Variants in ZFHX3 observed in about 807,000 individuals in gnomAD.
The protein encoded by ZFHX3 is zinc finger homeobox protein 3.
ZFHX3 carries 42 observed loss-of-function variants against 279.1 expected under a neutral mutation model. The ratio of observed to expected loss-of-function variants is 0.15; its 90% confidence interval spans 0.12 to 0.19. ZFHX3 has a LOEUF of 0.19. Ranked by LOEUF, ZFHX3 falls within the 10% of genes least tolerant of loss-of-function variation. The pLI is 1.00. For synonymous variants in ZFHX3, 2,293 were observed against 1,957.8 expected (o/e 1.17, Z -4.52); for missense variants, 4,981 against 4,754.0 (o/e 1.05, Z -1.40).
chr16:73,370,997 C>A (rs1033557000), intron 3 of ZFHX3, among the ~76,000 whole-genome samples: 4 of 152,074 alleles, frequency 2.6e-5, no homozygotes, highest in African/African-American at 9.7e-5. Flanking sequence ...TGATTGGAAT[C>A]CTTTTGGGAA....
intron 1 of ZFHX3, among the ~76,000 whole-genome samples, chr16:73,844,318 A>G (rs1246381808): frequency 3.9e-5 from 6 of 152,230 alleles, no homozygotes; most frequent in Non-Finnish European, 8.8e-5. Context: ...CTGTTTTGCT[A>G]CTGGTACTTG....
At chr16:73,238,591 C>T (rs2013023485) in intron 5 of ZFHX3, among the ~76,000 whole-genome samples, 1 of 152,196 alleles carries the variant, frequency 6.6e-6, no homozygotes, top group Non-Finnish European at 1.5e-5. Flanking sequence ...GCCTTGCCCA[C>T]AATGCCTTCT....
At chr16:73,188,563 G>A (rs1002328973) in intron 5 of ZFHX3, among the ~76,000 whole-genome samples, 1 of 152,198 alleles carries the variant, frequency 6.6e-6, no homozygotes, top group Non-Finnish European at 1.5e-5. Context: ...GAGAGAAATA[G>A]TTTTTTCAGA....
intron 3 of ZFHX3, among the ~76,000 whole-genome samples, chr16:73,394,122 T>A (rs1165168709): frequency 6.6e-6 from 1 of 151,030 alleles, no homozygotes; most frequent in Non-Finnish European, 1.5e-5. Context: ...TTCCTCTGAT[T>A]TATTAGGATT....
chr16:73,004,965 G>C (rs139170829), intron 1 of ZFHX3, among the ~76,000 whole-genome samples: 144 of 152,208 alleles, frequency 9.5e-4, no homozygotes, highest in African/African-American at 3.1e-3. Context: ...CCGCCATTTG[G>C]CTATCTAACT....
At chr16:72,815,674 A>T (rs552988564) in intron 5 of ZFHX3, among the ~76,000 whole-genome samples, 2 of 152,372 alleles carry the variant, frequency 1.3e-5, no homozygotes, top group South Asian at 2.1e-4. Context: ...TCTAGAAGAC[A>T]TGTCACAATA....
chr16:73,488,375 G>C (rs1357271887), intron 2 of ZFHX3, among the ~76,000 whole-genome samples: 1 of 152,148 alleles, frequency 6.6e-6, no homozygotes, highest in Non-Finnish European at 1.5e-5. Context: ...GTGGGGTAGG[G>C]GTAAAGGAAG....
chr16:73,414,277 T>C (rs2017527626), intron 3 of ZFHX3, among the ~76,000 whole-genome samples: 1 of 152,184 alleles, frequency 6.6e-6, no homozygotes, highest in African/African-American at 2.4e-5. Context: ...CAGAGATAAT[T>C]TCTACCTTTT....
chr16:73,722,856 T>C (rs1293725641), intron 1 of ZFHX3, among the ~76,000 whole-genome samples: 2 of 152,196 alleles, frequency 1.3e-5, no homozygotes, highest in African/African-American at 4.8e-5. Context: ...TGTAAGCAGA[T>C]AGTAAGAGAG....
At chr16:73,027,935 G>A (rs1326615735) in intron 1 of ZFHX3, among the ~76,000 whole-genome samples, 1 of 152,172 alleles carries the variant, frequency 6.6e-6, no homozygotes, top group Non-Finnish European at 1.5e-5. Context: ...GCACTGCAGA[G>A]AGAGGCTGCC....
chr16:73,171,703 C>G (rs941506152), intron 5 of ZFHX3, among the ~76,000 whole-genome samples: 1 of 152,174 alleles, frequency 6.6e-6, no homozygotes, highest in Non-Finnish European at 1.5e-5. Context: ...TTCTCGACAT[C>G]TGCATATATA....
In ZFHX3 at chr16:73,858,017, A is replaced by G. The variant is rs375105848; in HGVS notation, c.-1608+33634T>C. Among the ~76,000 whole-genome samples the G allele has an allele frequency of 2.6e-5, 4 of 151,792 alleles. No homozygotes were observed. The East Asian group carries it at 7.8e-4, about 29-fold the overall frequency. On this transcript the variant is annotated intron_variant, in intron 1 of 17. Coordinates refer to the ZFHX3 transcript ENST00000641206. Reference sequence around the variant, plus strand: ...AGGCTGAGGCAGGAGAATTGCTTGAATTTGGGAGGTGGAGGTTGCAGTGAG... The same window carrying G: ...AGGCTGAGGCAGGAGAATTGCTTGAGTTTGGGAGGTGGAGGTTGCAGTGAG...
At chr16:73,446,066 T>C (rs1261799865) in intron 3 of ZFHX3, among the ~76,000 whole-genome samples, 1 of 152,244 alleles carries the variant, frequency 6.6e-6, no homozygotes, top group Non-Finnish European at 1.5e-5. Context: ...GATCTGTTTC[T>C]GAAATGAAGA....
At chr16:73,038,676 ACTCTCT>A (rs35471941) in intron 1 of ZFHX3, among the ~76,000 whole-genome samples, 2 of 147,386 alleles carry the variant, frequency 1.4e-5, no homozygotes, top group Admixed American at 6.7e-5. Flanking sequence ...ATAAGCTTGT[ACTCTCT>A]CTCTCTCTCT....
intron 1 of ZFHX3, among the ~76,000 whole-genome samples, chr16:73,834,919 G>T (rs918112219): frequency 6.6e-6 from 1 of 152,178 alleles, no homozygotes; most frequent in African/African-American, 2.4e-5. Context: ...CCCCCGTGGG[G>T]TCTGCCACAT....
At chr16:73,320,764 C>T (rs2015559384) in intron 3 of ZFHX3, among the ~76,000 whole-genome samples, 1 of 152,132 alleles carries the variant, frequency 6.6e-6, no homozygotes, top group African/African-American at 2.4e-5. Context: ...ATCCCCACAC[C>T]CCTCACTCGT....
At chr16:72,963,911 TC>T (rs1268848567) in intron 1 of ZFHX3, among the ~76,000 whole-genome samples, 1 of 152,142 alleles carries the variant, frequency 6.6e-6, no homozygotes, top group Non-Finnish European at 1.5e-5. Context: ...AATTAGGCAG[TC>T]CTTTCACAAG....
chr16:73,633,136 CA>C (rs770149991), intron 2 of ZFHX3, among the ~76,000 whole-genome samples: 4 of 152,198 alleles, frequency 2.6e-5, no homozygotes, highest in Non-Finnish European at 2.9e-5. Context: ...TTCTATGTTT[CA>C]AACATCATCT....
chr16:73,405,621 C>G (rs1395993631), intron 3 of ZFHX3, among the ~76,000 whole-genome samples: 1 of 151,066 alleles, frequency 6.6e-6, no homozygotes, highest in African/African-American at 2.4e-5. Context: ...TAAAAACTAA[C>G]TCCAAGTTTT....
Sources: allele counts gnomAD v4.1 joint callset (sites outside exome capture counted in the v4.1 genomes callset), GRCh38; gene constraint gnomAD v4.1.1; transcripts MANE v1.5; gene names NCBI Gene and HGNC (gene_info 2026-07-23, HGNC 2026-07-21).